The following PVT1 variants were observed in gnomAD, a reference collection of about 807,000 sequenced individuals.
The protein encoded by PVT1 is CXCR4/PVT1 fusion.
At chr8:128,066,208 A>G (rs1813908519) in intron 4 of PVT1, among the ~76,000 whole-genome samples, 1 of 152,192 alleles carries the variant, frequency 6.6e-6, no homozygotes, top group Admixed American at 6.5e-5. Flanking sequence ...ACAGGGTAAG[A>G]CTGAACTTTC....
At chr8:127,970,493 G>A (rs1816754021) in intron 3 of PVT1, among the ~76,000 whole-genome samples, 2 of 151,796 alleles carry the variant, frequency 1.3e-5, no homozygotes, top group African/African-American at 4.8e-5. Flanking sequence ...TAGAGATAGG[G>A]TTTCACCGTG....
chr8:127,881,435 A>AT (rs145675614), intron 2 of PVT1, among the ~76,000 whole-genome samples: 9 of 100,840 alleles, frequency 8.9e-5, no homozygotes, highest in East Asian at 5.4e-4. Context: ...TATTGTTATT[A>AT]TATTATTATT....
chr8:128,021,952 T>C (rs1386792226), intron 4 of PVT1, among the ~76,000 whole-genome samples: 3 of 152,180 alleles, frequency 2.0e-5, no homozygotes, highest in African/African-American at 7.2e-5. Flanking sequence ...TTTGGGATGC[T>C]GAGGCATGAG....
chr8:127,941,090 T>A (rs1816343736), intron 3 of PVT1, among the ~76,000 whole-genome samples: 1 of 152,232 alleles, frequency 6.6e-6, no homozygotes, highest in Middle Eastern at 3.2e-3. Flanking sequence ...GCTGTCCAGA[T>A]GCATTGAGCT....
At chr8:127,840,692 G>C (rs1814963300) in intron 2 of PVT1, among the ~76,000 whole-genome samples, 1 of 152,252 alleles carries the variant, frequency 6.6e-6, no homozygotes, top group Non-Finnish European at 1.5e-5. Flanking sequence ...CTTCCGCAGA[G>C]CTGGACACAC....
chr8:128,055,667 T>C (rs1813754144), intron 4 of PVT1, among the ~76,000 whole-genome samples: 1 of 152,220 alleles, frequency 6.6e-6, no homozygotes. Context: ...GTTCTTCTGT[T>C]CCACATGGGA....
chr8:127,965,644 C>A (rs1292745194), intron 3 of PVT1, among the ~76,000 whole-genome samples: 1 of 152,230 alleles, frequency 6.6e-6, no homozygotes, highest in Non-Finnish European at 1.5e-5. Flanking sequence ...CAGTTGCAGG[C>A]ACTTCAGATG....
At chr8:128,005,423 G>T (rs1016536212) in intron 4 of PVT1, among the ~76,000 whole-genome samples, 3 of 152,178 alleles carry the variant, frequency 2.0e-5, no homozygotes, top group African/African-American at 7.2e-5. Context: ...GCCAGGTGGG[G>T]CTTGGTGCAA....
chr8:127,987,666 A>G (rs79542337), intron 3 of PVT1, among the ~76,000 whole-genome samples: 2,618 of 152,332 alleles, frequency 0.017, 82 homozygotes, highest in African/African-American at 0.06. Context: ...AAGTTTGAGT[A>G]CTTGTTCAGG....
intron 3 of PVT1, among the ~76,000 whole-genome samples, chr8:127,931,295 G>T (rs1338863853): frequency 5.3e-5 from 8 of 152,074 alleles, no homozygotes; most frequent in African/African-American, 1.9e-4. Flanking sequence ...CCAGGGTGCT[G>T]GGGGGAAGTG....
intron 4 of PVT1, among the ~76,000 whole-genome samples, chr8:128,039,602 A>T (rs987044419): frequency 6.6e-6 from 1 of 152,170 alleles, no homozygotes; most frequent in Non-Finnish European, 1.5e-5. Flanking sequence ...AGCCACAAAG[A>T]GCAAAAAAGA....
chr8:127,963,713 G>T (rs1459170769), intron 3 of PVT1, among the ~76,000 whole-genome samples: 3 of 152,046 alleles, frequency 2.0e-5, no homozygotes, highest in Admixed American at 2.0e-4. Flanking sequence ...TTTGGCACTT[G>T]GGAAACATCA....
intron 3 of PVT1, among the ~76,000 whole-genome samples, chr8:127,984,924 T>TTTCTCC (rs1816941520): frequency 2.3e-5 from 3 of 129,092 alleles, no homozygotes; most frequent in Non-Finnish European, 4.9e-5. Context: ...TTTCTTTCTC[T>TTTCTCC]TTCTCTTTCT....
At chr8:128,004,689 C>T (rs897941533) in intron 4 of PVT1, among the ~76,000 whole-genome samples, 4 of 152,166 alleles carry the variant, frequency 2.6e-5, no homozygotes, top group African/African-American at 7.2e-5. Flanking sequence ...CTGAAGTAGC[C>T]TTTCGAATAC....
chr8:128,029,032 G>A (rs1467319045), intron 4 of PVT1, among the ~76,000 whole-genome samples: 2 of 151,730 alleles, frequency 1.3e-5, no homozygotes, highest in Admixed American at 6.6e-5. Flanking sequence ...TTATAGAGAT[G>A]GGGTCTTACT....
intron 2 of PVT1, among the ~76,000 whole-genome samples, chr8:127,809,336 T>TA (rs1182993196): frequency 1.3e-5 from 2 of 152,068 alleles, no homozygotes; most frequent in Non-Finnish European, 2.9e-5. Context: ...GGACTACAGG[T>TA]GCATGGCACC....
intron 2 of PVT1, among the ~76,000 whole-genome samples, chr8:127,824,233 T>C (rs952839072): frequency 9.9e-5 from 15 of 152,214 alleles, no homozygotes; most frequent in African/African-American, 3.4e-4. Flanking sequence ...TTTTAAACTC[T>C]CAGTCAGCTT....
rs1554594526 is a variant in PVT1, at chr8:127,889,035, T to TCCTTCCTTCCTTC, written n.373-1553_373-1552insCTTCCTTCCTTCC. ...TCAAACCCCTTTTCCTTTCTCTCTTTCTTTCTTCCTTCCTTCCTTCCTTCC... is the reference window on the plus strand; with the variant it reads ...TCAAACCCCTTTTCCTTTCTCTCTTTCCTTCCTTCCTTCCTTTCTTCCTTCCTTCCTTCCTTCC... On this transcript the variant is annotated intron_variant and non_coding_transcript_variant, in intron 2 of 10. Coordinates refer to ENST00000651587, the Ensembl canonical transcript of PVT1. 2.0e-3 allele frequency among the ~76,000 whole-genome samples: 199 copies of TCCTTCCTTCCTTC among 100,504 alleles called. 9 individuals are homozygous for TCCTTCCTTCCTTC. Among genetic ancestry groups the TCCTTCCTTCCTTC allele is most frequent in the East Asian group, 0.012 (36 of 2,976 alleles). The allele number at this position is 100,504 out of a possible 152,430, so 65.9% of individuals were successfully genotyped here.
chr8:127,888,114 G>A (rs1032084837), intron 2 of PVT1, among the ~76,000 whole-genome samples: 12 of 151,234 alleles, frequency 7.9e-5, no homozygotes, highest in Middle Eastern at 6.8e-3. Flanking sequence ...CTGATTTTTT[G>A]TAATTTTAGT....
Sources: gnomAD v4.1 joint callset for allele counts (sites outside exome capture counted in the v4.1 genomes callset) on GRCh38, gnomAD v4.1.1 for gene constraint, MANE v1.5 for transcripts, NCBI Gene and HGNC (gene_info 2026-07-23, HGNC 2026-07-21) for gene names.